ABCA8: variants seen among roughly 807,000 people sequenced by gnomAD.
The protein encoded by ABCA8 is ABC-type organic anion transporter ABCA8.
A neutral mutation model predicts 192.3 loss-of-function variants in ABCA8; 177 were observed. The observed-to-expected ratio is 0.92, with a 90% CI of 0.81 to 1.04. The LOEUF (loss-of-function observed/expected upper bound fraction) is 1.04, where lower values mean the gene tolerates loss of function less well. Among genes scored for constraint, ABCA8 ranks in the 50% least tolerant of loss-of-function variants. ABCA8 has a pLI of 0.00. For missense variants in ABCA8, 1,915 were observed against 1,904.8 expected (o/e 1.01, Z -0.10); for synonymous variants, 642 against 690.2 (o/e 0.93, Z 1.09).
At chr17:68,880,422 A>G (rs2066307064) in intron 32 of ABCA8, among the ~76,000 whole-genome samples, 1 of 152,156 alleles carries the variant, frequency 6.6e-6, no homozygotes, top group Admixed American at 6.5e-5. Context: ...TGGTGGGACT[A>G]AAAAAGCTGT....
In ABCA8 at chr17:68,903,357, T is replaced by A; in HGVS notation, c.2541A>T (p.Ala847=). Residue 847 remains alanine (A), a synonymous_variant, in exon 20 of 40, where the codon GCA becomes GCT. Coordinates refer to ENST00000586539, the MANE Select transcript of ABCA8 (RefSeq NM_001288985.2). The part of the protein sequence containing the change: ...GVALWRQQIC[A]IARVRLLKLK... ...ACTTTAACAAGCGAACCCTTGCAAT[T>A]GCGCAGATTTGCTGTCGCCAGAGAG... 3 of 1,614,222 alleles carry A rather than the reference T, an allele frequency of 1.9e-6. No homozygotes were observed. The highest frequency in any genetic ancestry group is 2.5e-6 in the Non-Finnish European group (3 of 1,180,028).
At position 68,940,173 on chromosome 17, in the gene ABCA8, C is replaced by T. The variant is rs534812423; in HGVS notation, c.301+585G>A. On this transcript the variant is annotated intron_variant, in intron 4 of 39. Transcript: ENST00000586539. ...AAGGTACTCGTTAAGTTAACCTTAACCTTAACTCAACTTAACAACTACTTA... is the reference window on the plus strand; with the variant it reads ...AAGGTACTCGTTAAGTTAACCTTAATCTTAACTCAACTTAACAACTACTTA... Among the ~76,000 whole-genome samples, 181 of 152,236 alleles carry T rather than the reference C, an allele frequency of 1.2e-3. 1 individual carries two copies. Among genetic ancestry groups the T allele is most frequent in the South Asian group, 8.1e-3 (39 of 4,818 alleles).
At chr17:68,875,788 G>GAGAT in intron 35 of ABCA8, 55 bp from the exon 36 acceptor site, 1 of 1,557,446 alleles carries the variant, frequency 6.4e-7, no homozygotes, top group Non-Finnish European at 8.7e-7. Flanking sequence ...TAATCAGAAA[G>GAGAT]AGATAGAGAA....
intron 10 of ABCA8, among the ~76,000 whole-genome samples, chr17:68,927,328 A>T (rs1312881885): frequency 6.6e-6 from 1 of 152,186 alleles, no homozygotes; most frequent in Non-Finnish European, 1.5e-5. Context: ...GGGTGCTTAA[A>T]TCTCATCTGT....
At chr17:68,948,294 T>C (rs948516356) in intron 2 of ABCA8, among the ~76,000 whole-genome samples, 1 of 152,232 alleles carries the variant, frequency 6.6e-6, no homozygotes, top group Non-Finnish European at 1.5e-5. Context: ...ATTGTATTTC[T>C]GATCCTAGAT....
chr17:68,933,368 AT>A (rs1236944271), intron 5 of ABCA8, 97 bp from the exon 6 acceptor site: 2 of 697,646 alleles, frequency 2.9e-6, no homozygotes, highest in Admixed American at 2.8e-5. Context: ...GGACTTTACA[AT>A]GACCCCAAAT....
chr17:68,951,580 T>C (rs1278207462), intron 1 of ABCA8, among the ~76,000 whole-genome samples: 1 of 152,230 alleles, frequency 6.6e-6, no homozygotes, highest in East Asian at 1.9e-4. Context: ...ATTTCCACTC[T>C]AATAATAGGT....
rs2066496639 is a variant in ABCA8 at position 68,887,510 on chromosome 17, AT to A, written c.3145-5del. On this transcript the variant is annotated splice_region_variant and splice_polypyrimidine_tract_variant and intron_variant, in intron 24 of 39. Coordinates refer to ENST00000586539, the MANE Select transcript of ABCA8 (RefSeq NM_001288985.2). ...GTAGCTGGGACCGAGCTCTGTTCTA[AT>A]TAGGAGACAGCAAAGATACAAAGTT... 6.3e-7 allele frequency: 1 copy of A among 1,590,854 alleles called. No homozygotes were observed. Among genetic ancestry groups the A allele is most frequent in the Non-Finnish European group, 8.5e-7 (1 of 1,171,462 alleles).
chr17:68,949,099 A>C (rs141878235), intron 2 of ABCA8, among the ~76,000 whole-genome samples: 170 of 152,212 alleles, frequency 1.1e-3, no homozygotes, highest in African/African-American at 3.7e-3. Flanking sequence ...TCATTGGTCT[A>C]TATATCTGTT....
intron 5 of ABCA8, 98 bp downstream of exon 5, chr17:68,936,853 A>G: frequency 9.4e-7 from 1 of 1,066,816 alleles, no homozygotes; most frequent in Non-Finnish European, 1.3e-6. Flanking sequence ...TATGACAGAT[A>G]GTGATGCTCT....
At chr17:68,941,732 C>T (rs1374835820) in intron 3 of ABCA8, among the ~76,000 whole-genome samples, 2 of 152,136 alleles carry the variant, frequency 1.3e-5, no homozygotes, top group African/African-American at 4.8e-5. Context: ...TCAGTGGTTT[C>T]AGACCTCAAT....
chr17:68,907,885 A>G lies in ABCA8; in HGVS notation c.2139-6T>C. 1.3e-6 allele frequency: 2 copies of G among 1,542,308 alleles called. No homozygotes were observed. Among genetic ancestry groups the G allele is most frequent in the Non-Finnish European group, 1.7e-6 (2 of 1,156,614 alleles). On this transcript the variant is annotated splice_polypyrimidine_tract_variant and splice_region_variant and intron_variant, in intron 17 of 39. Coordinates refer to ENST00000586539, the MANE Select transcript of ABCA8 (RefSeq NM_001288985.2). ...ATATTTCATTTAACTGCAAGCTGGC[A>G]TTCAGAAAAAAAAAAAAAGACATAT... is the stretch of plus-strand genomic sequence containing the variant.
intron 15 of ABCA8, 83 bp from the exon 16 acceptor site, chr17:68,918,268 T>A: frequency 6.4e-7 from 1 of 1,557,804 alleles, no homozygotes. Flanking sequence ...ATATTGATTA[T>A]ATTTAACAGA....
chr17:68,945,073 G>A (rs1011031159), intron 2 of ABCA8, among the ~76,000 whole-genome samples: 1 of 152,164 alleles, frequency 6.6e-6, no homozygotes, highest in South Asian at 2.1e-4. Flanking sequence ...TCTATGGATG[G>A]GGGAAGGGTA....
chr17:68,910,673 G>A (rs556406294), intron 17 of ABCA8, among the ~76,000 whole-genome samples: 1 of 152,266 alleles, frequency 6.6e-6, no homozygotes, highest in East Asian at 1.9e-4. Context: ...TGTTCCAGGA[G>A]AGACTCCCTC....
At chr17:68,921,600 T>A in intron 12 of ABCA8, 108 bp from the exon 13 acceptor site, 1 of 566,544 alleles carries the variant, frequency 1.8e-6, no homozygotes, top group East Asian at 2.9e-5. Context: ...ATTAATTCTC[T>A]TGAATGGTTG....
chr17:68,899,809 T>G (rs758053504), intron 21 of ABCA8, among the ~76,000 whole-genome samples: 28 of 151,918 alleles, frequency 1.8e-4, no homozygotes, highest in Non-Finnish European at 8.8e-5. Flanking sequence ...ACTTAGAAAA[T>G]CACAAATTTT....
intron 33 of ABCA8, chr17:68,877,178 T>G: frequency 5.7e-6 from 1 of 176,886 alleles, no homozygotes. Flanking sequence ...AATTTTTGTA[T>G]TTTTGTATTT....
rs781676483 is a variant in ABCA8, at chr17:68,918,129, T to TA, written c.1964dup (p.Trp656MetfsTer22). The TA allele has an allele frequency of 1.9e-6, 3 of 1,614,202 alleles. No individual in the cohort carries two copies. Among genetic ancestry groups the TA allele is most frequent in the Non-Finnish European group, 2.5e-6 (3 of 1,180,022 alleles). ...TTTTGCGTTCTTTCAGAAGGTTCCA[T>TA]ACTTGGTGTCTTGAAAAGGGATCCA... On this transcript the variant is annotated frameshift_variant, in exon 16 of 40. Transcript: ENST00000586539. LOFTEE classifies it high-confidence loss of function.
Sources: allele counts gnomAD v4.1 joint callset (sites outside exome capture counted in the v4.1 genomes callset), GRCh38; gene constraint gnomAD v4.1.1; transcripts MANE v1.5; gene names NCBI Gene and HGNC (gene_info 2026-07-23, HGNC 2026-07-21).